Variants in SYNM observed in about 807,000 individuals in gnomAD.
SYNM encodes desmuslin.
A neutral mutation model predicts 104.0 loss-of-function variants in SYNM; 95 were observed. The ratio of observed to expected loss-of-function variants is 0.91; its 90% confidence interval spans 0.77 to 1.08. The LOEUF (loss-of-function observed/expected upper bound fraction) is 1.08. Among genes scored for constraint, SYNM ranks in the 50% least tolerant of loss-of-function variants. The pLI is 0.00. For synonymous variants in SYNM, 918 were observed against 869.0 expected (o/e 1.06, Z -0.99); for missense variants, 2,150 against 2,052.2 (o/e 1.05, Z -0.92).
At chr15:99,108,182 C>A (rs1555483049) in intron 1 of SYNM, among the ~76,000 whole-genome samples, 1 of 152,092 alleles carries the variant, frequency 6.6e-6, no homozygotes, top group South Asian at 2.1e-4. Flanking sequence ...ACCATGTTGG[C>A]CAGCCTGGTC....
chr15:99,123,965 C>T (rs564067708), intron 2 of SYNM, among the ~76,000 whole-genome samples: 5 of 152,386 alleles, frequency 3.3e-5, no homozygotes, highest in Admixed American at 1.3e-4. Flanking sequence ...GGCCACATGA[C>T]AGCCGGCTTC....
intron 2 of SYNM, among the ~76,000 whole-genome samples, chr15:99,117,835 C>G (rs1384561303): frequency 6.6e-6 from 1 of 151,886 alleles, no homozygotes; most frequent in Non-Finnish European, 1.5e-5. Flanking sequence ...CGAGCCGTTT[C>G]TGCTCACTGT....
chr15:99,139,353 G>A, downstream of SYNM: 7 of 1,613,994 alleles, frequency 4.3e-6, no homozygotes, highest in Non-Finnish European at 5.1e-6. Flanking sequence ...GGTGGCCAGA[G>A]TCCTTTTGTC....
At position 99,134,853 on chromosome 15, in the gene SYNM, C is replaced by T. The variant is rs551966966; in HGVS notation, c.*1795C>T. Reference sequence around the variant, plus strand: ...GTTTAAACCTTTGTTGTCCATCTGCCAAATGAACTAGTGATTGTCAGACTG... The same window carrying T: ...GTTTAAACCTTTGTTGTCCATCTGCTAAATGAACTAGTGATTGTCAGACTG... On this transcript the variant is annotated 3_prime_UTR_variant, in exon 4 of 4. Coordinates refer to ENST00000336292, the MANE Select transcript of SYNM (RefSeq NM_145728.3). 65 of 152,332 alleles carry T rather than the reference C, an allele frequency of 4.3e-4. No homozygotes were observed. Among genetic ancestry groups the T allele is most frequent in the African/African-American group, 1.6e-3 (65 of 41,564 alleles). 9.4% of individuals were successfully genotyped at this position (152,332 alleles called of 1,614,324 possible).
intron 2 of SYNM, among the ~76,000 whole-genome samples, chr15:99,119,203 G>A (rs546139776): frequency 2.1e-4 from 32 of 152,304 alleles, no homozygotes; most frequent in African/African-American, 6.5e-4. Flanking sequence ...AGGTGGAACC[G>A]GCACAGTGGT....
chr15:99,106,330 C>G (rs2151796855), intron 1 of SYNM, among the ~76,000 whole-genome samples: 1 of 152,358 alleles, frequency 6.6e-6, no homozygotes, highest in East Asian at 1.9e-4. Flanking sequence ...GGTTTTCCTT[C>G]CATTTTCCGT....
rs2067220665 is a variant in SYNM, at chr15:99,105,343, G to T, written c.144G>T (p.Gly48=). ...LLEEELRGRR[G]REGLWAEGQA... is the part of the protein sequence containing the mutation. ...AGGAGGAGCTGCGCGGCCGGCGCGG[G>T]CGAGAGGGCCTGTGGGCCGAGGGGC... Residue 48 remains glycine, a synonymous_variant, in exon 1 of 4, where the codon GGG becomes GGT. Coordinates refer to ENST00000336292, the MANE Select transcript of SYNM (RefSeq NM_145728.3). The T allele has an allele frequency of 1.3e-6, 2 of 1,539,066 alleles. No individual in the cohort carries two copies. The highest frequency in any genetic ancestry group is 8.7e-7 in the Non-Finnish European group (1 of 1,145,452).
rs781968712 is a variant in SYNM at position 99,131,574 on chromosome 15, G to T, written c.3214G>T (p.Glu1072Ter). 1 of 1,609,538 alleles carries T rather than the reference G, an allele frequency of 6.2e-7. No individual in the cohort carries two copies. The highest frequency in any genetic ancestry group is 1.3e-5 in the African/African-American group (1 of 75,070). ...TCGCTTTAGGCGTTGGGCCACCCGG[G>T]AGCTGTACATCCCTTCAGGCGAGAG... ...GIRFRRWATR[E>*]LYIPSGESEV... Residue 1072 changes from glutamate (E) to a stop codon, truncating the protein, a stop_gained, in exon 4 of 4, where the codon GAG becomes TAG. Coordinates refer to ENST00000336292, the MANE Select transcript of SYNM (RefSeq NM_145728.3). LOFTEE classifies it high-confidence loss of function. This position sits in a 1 kb window ranked among gnomAD's most constrained non-coding sequence, Gnocchi z 4.3.
chr15:99,119,975 A>G (rs2067384647), intron 2 of SYNM, among the ~76,000 whole-genome samples: 1 of 152,204 alleles, frequency 6.6e-6, no homozygotes, highest in African/African-American at 2.4e-5. Context: ...AATGGGTGAC[A>G]GGGAGTGACA....
chr15:99,110,593 C>T (rs1044395897), intron 1 of SYNM, among the ~76,000 whole-genome samples: 1 of 152,196 alleles, frequency 6.6e-6, no homozygotes. Context: ...GGAGCTCTAC[C>T]TTTCAAGGTT....
At chr15:99,112,428 ATGTT>A (rs1469770074) in intron 1 of SYNM, among the ~76,000 whole-genome samples, 1 of 152,208 alleles carries the variant, frequency 6.6e-6, no homozygotes, top group Non-Finnish European at 1.5e-5. Flanking sequence ...TGAAGCCCAT[ATGTT>A]TGTTTGAGAA....
At chr15:99,109,803 T>C (rs2067284391) in intron 1 of SYNM, among the ~76,000 whole-genome samples, 1 of 152,036 alleles carries the variant, frequency 6.6e-6, no homozygotes, top group African/African-American at 2.4e-5. Context: ...AAACAGCGTG[T>C]GGTTTTTCGG....
intron 2 of SYNM, among the ~76,000 whole-genome samples, chr15:99,114,755 T>G (rs1045287271): frequency 1.3e-4 from 19 of 141,246 alleles, no homozygotes; most frequent in Non-Finnish European, 2.5e-4. Flanking sequence ...GGCGGAACAG[T>G]GCTCCTCCCC....
the SYNM span, among the ~76,000 whole-genome samples, chr15:99,141,710 C>T: frequency 4.6e-5 from 7 of 152,126 alleles, no homozygotes; most frequent in African/African-American, 1.7e-4. Flanking sequence ...TGCAAGCAGC[C>T]AAATGCCTTT....
At chr15:99,137,752 TAA>T (rs1253144952), downstream of SYNM, 5 of 485,748 alleles carry the variant, frequency 1.0e-5, no homozygotes, top group African/African-American at 9.7e-5. Context: ...TGCTGATGGG[TAA>T]AAATTCTTGT....
chr15:99,121,187 G>T (rs1555484484), intron 2 of SYNM, among the ~76,000 whole-genome samples: 1 of 152,102 alleles, frequency 6.6e-6, no homozygotes, highest in African/African-American at 2.4e-5. Context: ...GTCTGGGAAT[G>T]AGGCAGAGTG....
intron 2 of SYNM, among the ~76,000 whole-genome samples, chr15:99,123,085 T>C (rs2067415861): frequency 6.6e-6 from 1 of 152,138 alleles, no homozygotes; most frequent in Admixed American, 6.5e-5. Context: ...TCTGAGAACT[T>C]TCTGCTTCTT....
At chr15:99,109,954 G>A (rs1417787892) in intron 1 of SYNM, among the ~76,000 whole-genome samples, 6 of 152,186 alleles carry the variant, frequency 3.9e-5, no homozygotes, top group Non-Finnish European at 7.3e-5. Flanking sequence ...GGGCCTGGCT[G>A]TGGCTTAGTG....
At chr15:99,139,623 T>G, downstream of SYNM, 1 of 1,517,666 alleles carries the variant, frequency 6.6e-7, no homozygotes, top group Non-Finnish European at 8.9e-7. Flanking sequence ...AAACTCTCTG[T>G]GACTATCTGT....
Sources: gnomAD v4.1 joint callset for allele counts (sites outside exome capture counted in the v4.1 genomes callset) on GRCh38, gnomAD v4.1.1 for gene constraint, Gnocchi (gnomAD v3.1) non-coding constraint, MANE v1.5 for transcripts, NCBI Gene and HGNC (gene_info 2026-07-23, HGNC 2026-07-21) for gene names.